Variants in AHCYL1 observed in about 807,000 individuals in gnomAD.
AHCYL1 encodes the protein adenosylhomocysteinase like 1.
AHCYL1 carries 20 observed loss-of-function variants against 79.3 expected under a neutral mutation model. The ratio of observed to expected loss-of-function variants is 0.25; its 90% CI spans 0.18 to 0.37. The LOEUF (loss-of-function observed/expected upper bound fraction) is 0.37, where lower values mean the gene tolerates loss of function less well. Among genes scored for constraint, AHCYL1 ranks in the 10% least tolerant of loss-of-function variants. AHCYL1 has a pLI of 1.00. For missense variants in AHCYL1, 330 were observed against 673.6 expected, an observed-to-expected ratio of 0.49 and a Z score of 5.65; for synonymous variants, 223 against 242.2, an observed-to-expected ratio of 0.92 and a Z score of 0.74.
chr1:110,001,030 A>G (rs1650281910), intron 1 of AHCYL1: 1 of 887,830 alleles, frequency 1.1e-6, no homozygotes, highest in African/African-American at 1.8e-5. Context: ...AACTTTAAGT[A>G]AAAATCTTCA....
At chr1:109,988,250 C>T (rs17025292) in intron 1 of AHCYL1, among the ~76,000 whole-genome samples, 7,092 of 152,154 alleles carry the variant, frequency 0.047, 462 homozygotes, top group African/African-American at 0.14. Flanking sequence ...TAATTTTTCA[C>T]GGGAATGTCT....
intron 2 of AHCYL1, among the ~76,000 whole-genome samples, 170 bp downstream of exon 2, chr1:110,009,315 G>A (rs572902668): frequency 6.6e-6 from 1 of 152,356 alleles, no homozygotes; most frequent in South Asian, 2.1e-4. Flanking sequence ...AGTAGCTGGG[G>A]AAGCTTTTGT....
intron 1 of AHCYL1, among the ~76,000 whole-genome samples, chr1:109,999,303 T>G (rs1209860531): frequency 6.6e-6 from 1 of 152,246 alleles, no homozygotes; most frequent in African/African-American, 2.4e-5. Flanking sequence ...ATGAGAATAC[T>G]TAGGATCTAC....
rs1437208343 is a variant in AHCYL1, at chr1:110,012,960, T to C, written c.541T>C (p.Ser181Pro). 1 of 1,613,150 alleles carries C rather than the reference T, an allele frequency of 6.2e-7. No individual in the cohort carries two copies. Among genetic ancestry groups the C allele is most frequent in the Non-Finnish European group, 8.5e-7 (1 of 1,179,810 alleles). The change falls in exon 5 of 17, where the codon TCA becomes CCA. Residue 181 changes from serine to proline, a missense_variant. This residue lies in a region of AHCYL1 where 97 missense variants were observed against 176.3 expected (regional missense o/e 0.55). Coordinates refer to ENST00000369799, the MANE Select transcript of AHCYL1 (RefSeq NM_006621.7). ...QCRWSACNIY[S>P]TQNEVAAALA... ...CCGCTGGTCTGCTTGTAACATCTAC[T>C]CAACTCAGAATGAAGTAGCTGCAGC... is the stretch of plus-strand genomic sequence containing the variant.
At chr1:110,012,575 T>C in intron 4 of AHCYL1, 113 bp downstream of exon 4, 1 of 873,528 alleles carries the variant, frequency 1.1e-6, no homozygotes, top group Non-Finnish European at 1.7e-6. Context: ...TAACTATTAA[T>C]AGGATCTCCC....
chr1:110,010,067 TA>T (rs1650923248), intron 2 of AHCYL1, among the ~76,000 whole-genome samples: 1 of 152,162 alleles, frequency 6.6e-6, no homozygotes, highest in South Asian at 2.1e-4. Context: ...GAGTGACAGA[TA>T]AAAAGTGGTG....
chr1:109,992,075 TG>T (rs950020931), intron 1 of AHCYL1, among the ~76,000 whole-genome samples: 5 of 147,986 alleles, frequency 3.4e-5, no homozygotes, highest in African/African-American at 1.3e-4. Flanking sequence ...TCCAGAAATC[TG>T]GGGGCGGGGG....
At chr1:109,994,912 G>A (rs182389777) in intron 1 of AHCYL1, among the ~76,000 whole-genome samples, 74 of 152,302 alleles carry the variant, frequency 4.9e-4, no homozygotes, top group African/African-American at 1.7e-3. Flanking sequence ...CTTCAGGTTT[G>A]TAACAGAAAA....
At chr1:110,018,772 G>C in intron 13 of AHCYL1, 122 bp downstream of exon 13, 3 of 1,023,152 alleles carry the variant, frequency 2.9e-6, no homozygotes, top group Non-Finnish European at 4.3e-6. Context: ...TGGAGAGAGA[G>C]ATATTTCACA....
chr1:110,012,979 C>G lies in AHCYL1; in HGVS notation c.560C>G (p.Ala187Gly). The part of the protein sequence containing the change: ...CNIYSTQNEV[A>G]AALAEAGVAV... ...ATCTACTCAACTCAGAATGAAGTAGCTGCAGCACTGGCTGAGGCTGGTAAG... is the reference window on the plus strand; with the variant it reads ...ATCTACTCAACTCAGAATGAAGTAGGTGCAGCACTGGCTGAGGCTGGTAAG... Residue 187 changes from alanine to glycine, a missense_variant, in exon 5 of 17, where the codon GCT becomes GGT. Around this residue, in one of 6 missense-constraint regions of AHCYL1, gnomAD observed 97 missense variants for 176.3 expected, o/e 0.55. Coordinates refer to ENST00000369799, the MANE Select transcript of AHCYL1 (RefSeq NM_006621.7). 1.2e-6 allele frequency: 2 copies of G among 1,612,114 alleles called. No individual in the cohort carries two copies. Among genetic ancestry groups the G allele is most frequent in the Non-Finnish European group, 1.7e-6 (2 of 1,179,370 alleles).
rs1651822174 is a variant in AHCYL1 at position 110,021,792 on chromosome 1, A to G, written c.*112A>G. The G allele has an allele frequency of 3.3e-6, 4 of 1,221,030 alleles. No individual in the cohort carries two copies. The highest frequency in any genetic ancestry group is 4.6e-6 in the Non-Finnish European group (4 of 864,164). 75.6% of individuals were successfully genotyped at this position (1,221,030 alleles called of 1,614,324 possible). On this transcript the variant is annotated 3_prime_UTR_variant, in exon 17 of 17. Coordinates refer to ENST00000369799, the MANE Select transcript of AHCYL1 (RefSeq NM_006621.7). ...CTTTCCTCTTGATTTTTTTCCTATAATTTCATTCTTGTTTTTTCATCTCAT... is the reference window on the plus strand; with the variant it reads ...CTTTCCTCTTGATTTTTTTCCTATAGTTTCATTCTTGTTTTTTCATCTCAT...
At chr1:109,992,621 T>C (rs1649826216) in intron 1 of AHCYL1, among the ~76,000 whole-genome samples, 1 of 152,086 alleles carries the variant, frequency 6.6e-6, no homozygotes, top group African/African-American at 2.4e-5. Flanking sequence ...AGAAGAGAGG[T>C]CAGTAAGTAG....
At chr1:110,008,936 TA>T (rs1650843587) in intron 1 of AHCYL1, 97 bp from the exon 2 acceptor site, 4 of 900,898 alleles carry the variant, frequency 4.4e-6, no homozygotes, top group Non-Finnish European at 6.7e-6. Context: ...ACCATGTGAT[TA>T]CATGGCTTTT....
At position 110,015,498 on chromosome 1, in the gene AHCYL1, G is replaced by C; in HGVS notation, c.749G>C (p.Gly250Ala). The C allele has an allele frequency of 6.2e-7, 1 of 1,614,212 alleles. No homozygotes were observed. Among genetic ancestry groups the C allele is most frequent in the Non-Finnish European group, 8.5e-7 (1 of 1,180,028 alleles). Residue 250 changes from glycine (G) to alanine (A), a missense_variant, in exon 7 of 17, where the codon GGC becomes GCC. Around this residue, in one of 6 missense-constraint regions of AHCYL1, gnomAD observed 17 missense variants for 45.6 expected, o/e 0.37. Coordinates refer to ENST00000369799, the MANE Select transcript of AHCYL1 (RefSeq NM_006621.7). ...CCAAACGTGTTTAAGAAGATCCGAG[G>C]CATTGTGGAAGAGAGCGTGACTGGT... ...KYPNVFKKIR[G>A]IVEESVTGVH...
chr1:110,009,704 A>G (rs1310087692), intron 2 of AHCYL1, among the ~76,000 whole-genome samples: 4 of 152,148 alleles, frequency 2.6e-5, no homozygotes, highest in Non-Finnish European at 5.9e-5. Context: ...GTTTCTTTTT[A>G]GTTCTCTCCT....
At chr1:110,001,083 G>A in intron 1 of AHCYL1, 2 of 432,716 alleles carry the variant, frequency 4.6e-6, no homozygotes, top group Non-Finnish European at 6.2e-6. Context: ...CTTGTTCTTT[G>A]TATGCCAAGA....
intron 1 of AHCYL1, among the ~76,000 whole-genome samples, chr1:110,001,260 C>G (rs538604788): frequency 3.8e-4 from 57 of 151,754 alleles, no homozygotes; most frequent in Middle Eastern, 3.4e-3. Context: ...GATCTCAGCT[C>G]ACTGCAACCT....
At chr1:110,017,659 T>A in intron 10 of AHCYL1, 76 bp downstream of exon 10, 1 of 1,482,146 alleles carries the variant, frequency 6.7e-7, no homozygotes. Flanking sequence ...TTGAGTATAT[T>A]AATCATTTTT....
At chr1:109,999,005 A>G (rs1244922175) in intron 1 of AHCYL1, among the ~76,000 whole-genome samples, 3 of 152,088 alleles carry the variant, frequency 2.0e-5, no homozygotes, top group Admixed American at 2.0e-4. Context: ...AAGAAAAAAA[A>G]GATTAGCTGG....
Sources: allele counts gnomAD v4.1 joint callset (sites outside exome capture counted in the v4.1 genomes callset), GRCh38; gene constraint gnomAD v4.1.1; regional missense constraint gnomAD v4.1.1; transcripts MANE v1.5; gene names NCBI Gene and HGNC (gene_info 2026-07-23, HGNC 2026-07-21).